The following INO80D variants were observed in gnomAD, a reference collection of about 807,000 sequenced individuals.
The protein encoded by INO80D is INO80 complex subunit D.
In INO80D, 21 loss-of-function variants were observed where a neutral mutation model predicts 87.6. The observed-to-expected ratio is 0.24, with a 90% CI of 0.17 to 0.35. The LOEUF (loss-of-function observed/expected upper bound fraction) is 0.35, where lower values mean the gene tolerates loss of function less well. Among genes scored for constraint, INO80D ranks in the 10% least tolerant of loss-of-function variants. INO80D has a pLI of 1.00. For synonymous variants in INO80D, 440 were observed against 491.0 expected, an observed-to-expected ratio of 0.90 and a Z score of 1.37; for missense variants, 982 against 1,280.7, an observed-to-expected ratio of 0.77 and a Z score of 3.56.
chr2:206,047,058 C>T (rs1375950014), intron 4 of INO80D, among the ~76,000 whole-genome samples: 3 of 152,142 alleles, frequency 2.0e-5, no homozygotes, highest in Non-Finnish European at 2.9e-5. Context: ...GGATTACAGG[C>T]GTGAGCCACC....
intron 6 of INO80D, among the ~76,000 whole-genome samples, chr2:206,021,900 C>G (rs961127206): frequency 6.6e-6 from 1 of 152,040 alleles, no homozygotes; most frequent in African/African-American, 2.4e-5. Context: ...TGGCATGAGT[C>G]ACCACACCCT....
intron 8 of INO80D, among the ~76,000 whole-genome samples, chr2:206,017,195 C>T (rs1158267751): frequency 6.6e-6 from 1 of 152,148 alleles, no homozygotes; most frequent in Admixed American, 6.6e-5. Context: ...CTTTCTAGTA[C>T]ATAAGGTACC....
chr2:206,064,717 C>T (rs1689768701), intron 1 of INO80D, among the ~76,000 whole-genome samples: 1 of 152,002 alleles, frequency 6.6e-6, no homozygotes, highest in African/African-American at 2.4e-5. Flanking sequence ...TTACTATTCA[C>T]AAGTGTTCAT....
chr2:205,997,277 A>T lies in INO80D; in HGVS notation c.*7091T>A, dbSNP rs1687825760. The T allele has an allele frequency of 1.3e-5, 2 of 152,056 alleles. No individual in the cohort carries two copies. The highest frequency in any genetic ancestry group is 4.1e-4 in the South Asian group (2 of 4,822). The allele number at this position is 152,056 out of a possible 1,614,324, so 9.4% of individuals were successfully genotyped here. A position where few individuals can be genotyped will look rare whatever the true frequency, so the allele number is the denominator to read the frequency against. On this transcript the variant is annotated 3_prime_UTR_variant, in exon 11 of 11. Coordinates refer to ENST00000403263, the MANE Select transcript of INO80D (RefSeq NM_017759.5). ...TTCCATATGAATCAGGGGTAGCACA[A>T]TTTTCCTATAGCTGAAATATGGGGA...
intron 4 of INO80D, among the ~76,000 whole-genome samples, chr2:206,047,136 G>A (rs554100072): frequency 6.6e-6 from 1 of 152,162 alleles, no homozygotes; most frequent in East Asian, 1.9e-4. Context: ...TTCCACAGAT[G>A]AACTTCTTTT....
In INO80D at chr2:205,999,064, T is replaced by C. The variant is rs1325305033; in HGVS notation, c.*5304A>G. 6.6e-6 allele frequency: 1 copy of C among 152,144 alleles called. No homozygotes were observed. The highest frequency in any genetic ancestry group is 1.5e-5 in the Non-Finnish European group (1 of 68,062). The allele number at this position is 152,144 out of a possible 1,614,324, so 9.4% of individuals were successfully genotyped here. A position where few individuals can be genotyped will look rare whatever the true frequency, so the allele number is the denominator to read the frequency against. On this transcript the variant is annotated 3_prime_UTR_variant, in exon 11 of 11. Coordinates refer to ENST00000403263, the MANE Select transcript of INO80D (RefSeq NM_017759.5). ...GGGCAAATCAGTCTATTCCCCCAGG[T>C]AGAACCAATGGTGTGGCATTTAGCT...
At chr2:206,053,456 G>A (rs12468778) in intron 4 of INO80D, among the ~76,000 whole-genome samples, 43,296 of 152,032 alleles carry the variant, frequency 0.28, 6,919 homozygotes, top group Non-Finnish European at 0.36. Context: ...ATATGGCTTG[G>A]AGTGTTTTAA....
At chr2:206,011,637 G>A (rs998291490) in intron 8 of INO80D, among the ~76,000 whole-genome samples, 29 of 152,272 alleles carry the variant, frequency 1.9e-4, no homozygotes, top group African/African-American at 6.5e-4. Flanking sequence ...CCTGACAGCC[G>A]GGACTTCCTG....
At chr2:206,018,344 C>T (rs1056550302) in intron 7 of INO80D, among the ~76,000 whole-genome samples, 5 of 152,154 alleles carry the variant, frequency 3.3e-5, no homozygotes, top group African/African-American at 1.2e-4. Context: ...CAGGGTTTCA[C>T]CATATTGGCC....
At chr2:206,026,690 G>C (rs964221750) in intron 6 of INO80D, among the ~76,000 whole-genome samples, 1 of 149,222 alleles carries the variant, frequency 6.7e-6, no homozygotes. Flanking sequence ...ATATATAACA[G>C]AATTCCATAA....
intron 5 of INO80D, among the ~76,000 whole-genome samples, chr2:206,042,675 T>G: frequency 8.9e-6 from 1 of 112,812 alleles, no homozygotes. Context: ...AGCGAGACTT[T>G]GTCTCAAAAA....
chr2:206,005,694 G>A (rs1559428450), intron 10 of INO80D, among the ~76,000 whole-genome samples, 161 bp from the exon 11 acceptor site: 1 of 152,182 alleles, frequency 6.6e-6, no homozygotes, highest in Non-Finnish European at 1.5e-5. Context: ...TGAAATAATG[G>A]TCTGCAGGAC....
In INO80D at chr2:205,995,929, ATGG is replaced by A; in HGVS notation, c.*8436_*8438del. ...TTGTATGCTTTCCATTAAAATGTAA[ATGG>A]TGAAGTTATGATTAAACTACAAAGC... On this transcript the variant is annotated 3_prime_UTR_variant, in exon 11 of 11. Transcript: ENST00000403263. 1 of 152,298 alleles carries A rather than the reference ATGG, an allele frequency of 6.6e-6. No individual in the cohort carries two copies. Among genetic ancestry groups the A allele is most frequent in the East Asian group, 1.9e-4 (1 of 5,196 alleles). The allele number at this position is 152,298 out of a possible 1,614,324, so 9.4% of individuals were successfully genotyped here.
intron 1 of INO80D, chr2:206,084,887 TA>T (rs1690393560): frequency 6.6e-6 from 1 of 152,246 alleles, no homozygotes; most frequent in African/African-American, 2.4e-5. Flanking sequence ...CACTAACTAA[TA>T]AAGCTAAGAA....
At chr2:206,018,236 G>A (rs10932141) in intron 7 of INO80D, among the ~76,000 whole-genome samples, 2,956 of 152,272 alleles carry the variant, frequency 0.019, 92 homozygotes, top group African/African-American at 0.067. Flanking sequence ...GGCCTCCCGG[G>A]TTCAAGCAAG....
chr2:206,007,475 C>T (rs1199881200), intron 9 of INO80D, 34 bp from the exon 10 acceptor site: 2 of 1,573,284 alleles, frequency 1.3e-6, no homozygotes, highest in Non-Finnish European at 1.7e-6. Context: ...CCCATAACTC[C>T]CCCATTATCT....
In INO80D at chr2:205,995,770, T is replaced by C. The variant is rs1192035354; in HGVS notation, c.*8598A>G. The C allele has an allele frequency of 6.6e-6, 1 of 152,116 alleles. No homozygotes were observed. Among genetic ancestry groups the C allele is most frequent in the Admixed American group, 6.5e-5 (1 of 15,276 alleles). 9.4% of individuals were successfully genotyped at this position (152,116 alleles called of 1,614,324 possible). A position where few individuals can be genotyped will look rare whatever the true frequency, so the allele number is the denominator to read the frequency against. ...AGTTTTCTAGAGAGCTGCAGCAAAG[T>C]TAATACAGAATGTCACAAACTGAGA... On this transcript the variant is annotated 3_prime_UTR_variant, in exon 11 of 11. Transcript: ENST00000403263.
chr2:206,037,569 A>G (rs1193769635), intron 5 of INO80D, among the ~76,000 whole-genome samples: 1 of 152,232 alleles, frequency 6.6e-6, no homozygotes, highest in African/African-American at 2.4e-5. Context: ...TCACAAAAAG[A>G]TAACAAGTAA....
chr2:206,024,283 C>A (rs1245873260), intron 6 of INO80D, among the ~76,000 whole-genome samples: 1 of 151,940 alleles, frequency 6.6e-6, no homozygotes. Flanking sequence ...GCATGAGAGA[C>A]AAGTTAATAT....
Sources: allele counts gnomAD v4.1 joint callset (sites outside exome capture counted in the v4.1 genomes callset), GRCh38; gene constraint gnomAD v4.1.1; transcripts MANE v1.5; gene names NCBI Gene and HGNC (gene_info 2026-07-23, HGNC 2026-07-21).